KALRN: variants seen among roughly 807,000 people sequenced by gnomAD.
KALRN encodes the protein kalirin RhoGEF kinase.
A neutral mutation model predicts 353.7 loss-of-function variants in KALRN; 70 were observed. The ratio of observed to expected loss-of-function variants is 0.20; its 90% CI spans 0.16 to 0.24. The LOEUF is 0.24. KALRN is among the 10% of genes least tolerant of loss of function. The probability of loss-of-function intolerance (pLI) is 1.00; values close to 1 mark genes in which losing one functional copy is unlikely to be tolerated. For synonymous variants in KALRN, 1,391 were observed against 1,434.8 expected, an observed-to-expected ratio of 0.97 and a Z score of 0.69; for missense variants, 2,791 against 3,756.7, an observed-to-expected ratio of 0.74 and a Z score of 6.72.
At chr3:124,267,199 A>G (rs1055454506) in intron 4 of KALRN, among the ~76,000 whole-genome samples, 2 of 152,236 alleles carry the variant, frequency 1.3e-5, no homozygotes, top group Admixed American at 6.5e-5. Flanking sequence ...CAACAGATAT[A>G]TAATAATTGG....
At chr3:124,409,941 C>T (rs377536176) in intron 13 of KALRN, among the ~76,000 whole-genome samples, 226 of 152,112 alleles carry the variant, frequency 1.5e-3, no homozygotes, top group African/African-American at 5.0e-3. Context: ...AGAGAGCCTG[C>T]GGACCCAGGG....
intron 1 of KALRN, among the ~76,000 whole-genome samples, chr3:124,169,877 G>A (rs1256975275): frequency 6.6e-6 from 1 of 152,156 alleles, no homozygotes; most frequent in Non-Finnish European, 1.5e-5. Context: ...TAGGGTAACA[G>A]GGTATTTTTC....
chr3:124,142,769 C>T (rs2066795547), intron 1 of KALRN, among the ~76,000 whole-genome samples: 1 of 152,148 alleles, frequency 6.6e-6, no homozygotes, highest in Admixed American at 6.5e-5. Flanking sequence ...CACCCACTCC[C>T]TGCACCATGC....
intron 3 of KALRN, among the ~76,000 whole-genome samples, chr3:124,237,433 G>A (rs935115291): frequency 1.3e-5 from 2 of 150,140 alleles, no homozygotes; most frequent in Admixed American, 6.8e-5. Context: ...CACAATCTCG[G>A]TTCACTGTAA....
intron 1 of KALRN, among the ~76,000 whole-genome samples, chr3:124,145,158 G>A (rs2067172811): frequency 1.3e-5 from 2 of 152,140 alleles, no homozygotes; most frequent in African/African-American, 4.8e-5. Flanking sequence ...GATCTGAGGA[G>A]ACAGGGTTAA....
chr3:124,526,039 C>A (rs2067563205), intron 33 of KALRN, among the ~76,000 whole-genome samples: 1 of 152,196 alleles, frequency 6.6e-6, no homozygotes, highest in Non-Finnish European at 1.5e-5. Flanking sequence ...TAGGGCTACA[C>A]ACATTCACAG....
intron 1 of KALRN, among the ~76,000 whole-genome samples, chr3:124,114,228 A>G (rs1258415996): frequency 6.6e-6 from 1 of 152,168 alleles, no homozygotes; most frequent in Non-Finnish European, 1.5e-5. Flanking sequence ...TCAGAGAGGC[A>G]AGCACCCCTT....
chr3:124,428,757 TG>T (rs1339368373), intron 15 of KALRN, among the ~76,000 whole-genome samples: 1 of 152,184 alleles, frequency 6.6e-6, no homozygotes, highest in African/African-American at 2.4e-5. Context: ...CTGAAACCCA[TG>T]ATGTTTCTAA....
chr3:124,574,488 G>C (rs758874522), intron 34 of KALRN, among the ~76,000 whole-genome samples: 2 of 142,164 alleles, frequency 1.4e-5, no homozygotes, highest in African/African-American at 5.5e-5. Context: ...GGGAAGTCAG[G>C]GGCAAACTTG....
intron 33 of KALRN, among the ~76,000 whole-genome samples, chr3:124,533,454 C>A (rs778824820): frequency 6.1e-4 from 92 of 152,010 alleles, no homozygotes; most frequent in Non-Finnish European, 9.7e-4. Flanking sequence ...CCAACCTGGG[C>A]AACATGGCAA....
rs996488202 is a variant in KALRN at position 124,167,982 on chromosome 3, A to G, written c.74-60008A>G. Among the ~76,000 whole-genome samples, 4 of 152,154 alleles carry G rather than the reference A, an allele frequency of 2.6e-5. No individual in the cohort carries two copies. The East Asian group carries it at 7.7e-4, about 29-fold the overall frequency. Reference sequence around the variant, plus strand: ...CCCTGCCCTCAGATGAGAGTTGTATAGTTAGGGAGCTGCTAAGGACCCACC... The same window carrying G: ...CCCTGCCCTCAGATGAGAGTTGTATGGTTAGGGAGCTGCTAAGGACCCACC... On this transcript the variant is annotated intron_variant, in intron 1 of 59. Transcript: ENST00000682506.
At chr3:124,639,879 C>A (rs644007) in intron 37 of KALRN, among the ~76,000 whole-genome samples, 36,074 of 152,088 alleles carry the variant, frequency 0.24, 4,602 homozygotes, top group East Asian at 0.47. Context: ...AAGAGGAAGC[C>A]GTGGTTTGGT....
At chr3:124,225,319 C>A (rs1360768876) in intron 1 of KALRN, among the ~76,000 whole-genome samples, 1 of 152,152 alleles carries the variant, frequency 6.6e-6, no homozygotes, top group Non-Finnish European at 1.5e-5. Context: ...ACTAGGGGAA[C>A]TTTATTTGAA....
chr3:124,279,423 A>T (rs1048504733), intron 5 of KALRN, among the ~76,000 whole-genome samples: 10 of 152,198 alleles, frequency 6.6e-5, no homozygotes, highest in Non-Finnish European at 1.2e-4. Context: ...CATGTAAATG[A>T]GTGGAATCAG....
At chr3:124,214,072 GA>G (rs1283075123) in intron 1 of KALRN, among the ~76,000 whole-genome samples, 2 of 151,614 alleles carry the variant, frequency 1.3e-5, no homozygotes, top group Admixed American at 6.6e-5. Context: ...ATCTGACATA[GA>G]AAAAAAGTTA....
chr3:124,675,455 C>G (rs2087056105), intron 49 of KALRN: 1 of 151,332 alleles, frequency 6.6e-6, no homozygotes, highest in Non-Finnish European at 1.5e-5. Context: ...CCTTTTTCCC[C>G]TGTTTCACTA....
chr3:124,330,278 AC>A (rs2080399017), intron 8 of KALRN, among the ~76,000 whole-genome samples: 2 of 146,190 alleles, frequency 1.4e-5, no homozygotes, highest in African/African-American at 5.5e-5. Flanking sequence ...ACACACACAC[AC>A]ACACACACCC....
intron 19 of KALRN, among the ~76,000 whole-genome samples, chr3:124,443,082 A>G (rs1488077074): frequency 2.0e-5 from 3 of 152,262 alleles, no homozygotes; most frequent in Non-Finnish European, 1.5e-5. Context: ...TTGTGTGTTC[A>G]TAAAATTTAG....
intron 8 of KALRN, among the ~76,000 whole-genome samples, chr3:124,331,560 T>C (rs1222967809): frequency 6.6e-6 from 1 of 152,236 alleles, no homozygotes; most frequent in African/African-American, 2.4e-5. Context: ...TCTGTCATTG[T>C]AGAAGGTACA....
Sources: allele counts gnomAD v4.1 joint callset (sites outside exome capture counted in the v4.1 genomes callset), GRCh38; gene constraint gnomAD v4.1.1; transcripts MANE v1.5; gene names NCBI Gene and HGNC (gene_info 2026-07-23, HGNC 2026-07-21).